Variants in FAAH2 observed in about 807,000 individuals in gnomAD.
FAAH2 encodes the protein fatty acid amide hydrolase 2.
In FAAH2, 60 loss-of-function variants were observed where a neutral mutation model predicts 36.9. The ratio of observed to expected loss-of-function variants is 1.63; its 90% CI spans 1.32 to 2.02. The LOEUF (loss-of-function observed/expected upper bound fraction) is 2.02, where lower values mean the gene tolerates loss of function less well. FAAH2 is among the 30% of genes most tolerant of loss of function. FAAH2 has a pLI of 0.00. For synonymous variants in FAAH2, 214 were observed against 143.8 expected, an observed-to-expected ratio of 1.49 and a Z score of -3.49; for missense variants, 689 against 397.5, an observed-to-expected ratio of 1.73 and a Z score of -6.23.
At chrX:57,466,150 C>CTA (rs1448015750) in intron 10 of FAAH2, among the ~76,000 whole-genome samples, 109 of 75,608 alleles carry the variant, frequency 1.4e-3, no homozygotes, top group East Asian at 3.8e-3. Flanking sequence ...CTCTCTCTCT[C>CTA]TCTCTCTATA....
chrX:57,173,002 T>C, the FAAH2 span, among the ~76,000 whole-genome samples: 3 of 111,899 alleles, frequency 2.7e-5, no homozygotes, highest in Non-Finnish European at 5.6e-5. Flanking sequence ...CAAAAATGCC[T>C]GTCCTCATCT....
chrX:57,276,628 A>T, the FAAH2 span, among the ~76,000 whole-genome samples: 11 of 111,719 alleles, frequency 9.8e-5, no homozygotes, highest in East Asian at 3.1e-3. Flanking sequence ...AAATCAATGA[A>T]TCCAGGAGCT....
the FAAH2 span, among the ~76,000 whole-genome samples, chrX:57,189,844 C>G: frequency 8.9e-6 from 1 of 112,250 alleles, no homozygotes; most frequent in Non-Finnish European, 1.9e-5. Flanking sequence ...GGAGGTTTCT[C>G]TCAGTCAGGA....
the FAAH2 span, among the ~76,000 whole-genome samples, chrX:57,129,356 T>G: frequency 2.8e-4 from 31 of 112,154 alleles, no homozygotes; most frequent in Non-Finnish European, 5.7e-4. Context: ...GAAGTATGAA[T>G]AAAATTTGAA....
At chrX:57,398,988 T>C (rs1402248712) in intron 7 of FAAH2, among the ~76,000 whole-genome samples, 1 of 111,176 alleles carries the variant, frequency 9.0e-6, no homozygotes, top group Non-Finnish European at 1.9e-5. Context: ...CATCATGCCA[T>C]TGAGATTTTC....
the FAAH2 span, among the ~76,000 whole-genome samples, chrX:57,233,136 G>A: frequency 8.9e-6 from 1 of 111,815 alleles, no homozygotes; most frequent in South Asian, 3.8e-4. Flanking sequence ...ATGAGGAGTA[G>A]CTAGCCAGGG....
chrX:57,380,955 T>C lies in FAAH2; in HGVS notation c.922T>C (p.Tyr308His). 2 of 1,202,833 alleles carry C rather than the reference T, an allele frequency of 1.7e-6. No individual in the cohort carries two copies. Among genetic ancestry groups the C allele is most frequent in the South Asian group, 3.7e-5 (2 of 54,156 alleles). The change falls in exon 7 of 11, where the codon TAC becomes CAC. Residue 308 changes from tyrosine to histidine, a missense_variant. Coordinates refer to ENST00000374900, the MANE Select transcript of FAAH2 (RefSeq NM_174912.4). Reference protein sequence around the residue: ...TKVHLKDLKFYWMEHDGGSFL... With the variant: ...TKVHLKDLKFHWMEHDGGSFL... ...GGTACATTTAAAAGACTTAAAATTTTACTGGATGGAACATGATGGAGGCTC... is the reference window on the plus strand; with the variant it reads ...GGTACATTTAAAAGACTTAAAATTTCACTGGATGGAACATGATGGAGGCTC...
At chrX:57,344,848 C>CT (rs1051917715) in intron 5 of FAAH2, among the ~76,000 whole-genome samples, 1 of 110,957 alleles carries the variant, frequency 9.0e-6, no homozygotes, top group Non-Finnish European at 1.9e-5. Context: ...ATGATTATAT[C>CT]TTTTTTTGTT....
At chrX:57,321,512 AT>A (rs1229831823) in intron 3 of FAAH2, among the ~76,000 whole-genome samples, 1 of 110,044 alleles carries the variant, frequency 9.1e-6, no homozygotes, top group African/African-American at 3.3e-5. Context: ...TAGTTTTCCA[AT>A]TGAAAACTAT....
At chrX:57,441,418 G>A (rs373484318) in intron 8 of FAAH2, among the ~76,000 whole-genome samples, 3 of 111,271 alleles carry the variant, frequency 2.7e-5, no homozygotes, top group Middle Eastern at 9.3e-3. Context: ...TCTGATGGTA[G>A]TTTGTATTTC....
intron 4 of FAAH2, among the ~76,000 whole-genome samples, chrX:57,335,494 C>T (rs200544079): frequency 5.6e-4 from 50 of 89,722 alleles, no homozygotes; most frequent in Admixed American, 1.1e-3. Flanking sequence ...AACATCTCAA[C>T]GCCTTAAAGA....
At chrX:57,331,294 G>T (rs935683218) in intron 3 of FAAH2, among the ~76,000 whole-genome samples, 1 of 111,349 alleles carries the variant, frequency 9.0e-6, no homozygotes, top group Non-Finnish European at 1.9e-5. Context: ...GTTGCTCCTT[G>T]ACTGTTCAAC....
At chrX:57,328,785 G>T (rs979627195) in intron 3 of FAAH2, among the ~76,000 whole-genome samples, 2 of 111,669 alleles carry the variant, frequency 1.8e-5, no homozygotes, top group African/African-American at 6.5e-5. Flanking sequence ...TATAAGGTAG[G>T]TTCATTTGAC....
the FAAH2 span, among the ~76,000 whole-genome samples, chrX:57,125,292 T>C: frequency 8.9e-6 from 1 of 112,944 alleles, no homozygotes. Flanking sequence ...GTTCTGTTTA[T>C]GTGCTGGATT....
At chrX:57,157,205 G>A in the FAAH2 span, among the ~76,000 whole-genome samples, 1 of 111,665 alleles carries the variant, frequency 9.0e-6, no homozygotes, top group African/African-American at 3.3e-5. Flanking sequence ...GGAATTGGGA[G>A]AGGGATCACA....
intron 7 of FAAH2, chrX:57,394,146 G>T: frequency 1.5e-6 from 1 of 684,787 alleles, no homozygotes; most frequent in Non-Finnish European, 2.4e-6. Flanking sequence ...TCTTCCATAG[G>T]AATGACCTGG....
chrX:57,462,045 C>G (rs1193707884), intron 10 of FAAH2, among the ~76,000 whole-genome samples: 2 of 107,828 alleles, frequency 1.9e-5, no homozygotes, highest in Non-Finnish European at 3.8e-5. Context: ...ACTAGAAAAT[C>G]TAGAAGAAGT....
intron 4 of FAAH2, among the ~76,000 whole-genome samples, chrX:57,340,986 C>G (rs2053672700): frequency 9.0e-6 from 1 of 111,215 alleles, no homozygotes; most frequent in Admixed American, 9.6e-5. Context: ...GAACTCTTTT[C>G]TATATGAGAG....
At chrX:57,357,299 A>G (rs906324391) in intron 5 of FAAH2, among the ~76,000 whole-genome samples, 2 of 111,509 alleles carry the variant, frequency 1.8e-5, no homozygotes, top group African/African-American at 6.5e-5. Context: ...CTAACACACC[A>G]AAAACAATGG....
Sources: gnomAD v4.1 joint callset for allele counts (sites outside exome capture counted in the v4.1 genomes callset) on GRCh38, gnomAD v4.1.1 for gene constraint, MANE v1.5 for transcripts, NCBI Gene and HGNC (gene_info 2026-07-23, HGNC 2026-07-21) for gene names.